The following NRXN1 variants were observed in gnomAD, a reference collection of about 807,000 sequenced individuals.
NRXN1 encodes neurexin-1.
In NRXN1, 39 loss-of-function variants were observed where a neutral mutation model predicts 150.9. The ratio of observed to expected loss-of-function variants is 0.26; its 90% CI spans 0.20 to 0.34. The LOEUF is 0.34. Ranked by LOEUF, NRXN1 falls within the 10% of genes least tolerant of loss-of-function variation. The pLI is 1.00. For synonymous variants in NRXN1, 924 were observed against 757.0 expected (o/e 1.22, Z -3.62); for missense variants, 1,815 against 1,949.9 (o/e 0.93, Z 1.30).
At chr2:50,195,194 C>T (rs2061679876) in intron 18 of NRXN1, among the ~76,000 whole-genome samples, 1 of 152,132 alleles carries the variant, frequency 6.6e-6, no homozygotes, top group South Asian at 2.1e-4. Flanking sequence ...TATAAATATG[C>T]AGAGAATGCA....
At chr2:50,872,138 T>A (rs1229807180) in intron 5 of NRXN1, among the ~76,000 whole-genome samples, 1 of 151,860 alleles carries the variant, frequency 6.6e-6, no homozygotes, top group Non-Finnish European at 1.5e-5. Flanking sequence ...GCATGTGACA[T>A]AAGTTAGTTA....
intron 9 of NRXN1, among the ~76,000 whole-genome samples, chr2:50,550,520 G>A (rs1206359609): frequency 1.3e-5 from 2 of 151,156 alleles, no homozygotes; most frequent in South Asian, 2.1e-4. Context: ...CCATGCCCAC[G>A]CCACTTCAAA....
chr2:49,979,906 G>GTTTT (rs958895922), intron 21 of NRXN1, among the ~76,000 whole-genome samples: 2,099 of 65,832 alleles, frequency 0.032, 74 homozygotes, highest in African/African-American at 0.09. Context: ...TGTTTTTTTG[G>GTTTT]TTTTTTTTTT....
At chr2:50,530,888 C>T (rs910906742) in intron 11 of NRXN1, among the ~76,000 whole-genome samples, 3 of 152,044 alleles carry the variant, frequency 2.0e-5, no homozygotes, top group Admixed American at 6.6e-5. Flanking sequence ...CACCTACAAC[C>T]GATCCAAATG....
At chr2:50,826,994 C>G (rs67841411) in intron 5 of NRXN1, among the ~76,000 whole-genome samples, 13,363 of 152,116 alleles carry the variant, frequency 0.088, 701 homozygotes, top group Admixed American at 0.092. Flanking sequence ...CCAAGAAGAG[C>G]AGTAGGTATG....
chr2:50,296,412 T>C (rs1371012794), intron 17 of NRXN1, among the ~76,000 whole-genome samples: 2 of 152,166 alleles, frequency 1.3e-5, no homozygotes, highest in Non-Finnish European at 2.9e-5. Context: ...ATTTGTTAAA[T>C]GGATATATTG....
intron 18 of NRXN1, among the ~76,000 whole-genome samples, chr2:50,158,358 C>A (rs1268222841): frequency 6.6e-6 from 1 of 151,368 alleles, no homozygotes; most frequent in African/African-American, 2.4e-5. Flanking sequence ...TTAGTTAAGA[C>A]AATCATCACT....
At chr2:50,047,814 C>T (rs1461318701) in intron 21 of NRXN1, among the ~76,000 whole-genome samples, 2 of 151,898 alleles carry the variant, frequency 1.3e-5, no homozygotes, top group African/African-American at 4.8e-5. Flanking sequence ...GCAGAAAAGT[C>T]TAATTTTGAT....
At chr2:50,182,577 A>G (rs778812995) in intron 18 of NRXN1, among the ~76,000 whole-genome samples, 27 of 152,050 alleles carry the variant, frequency 1.8e-4, no homozygotes, top group Non-Finnish European at 3.5e-4. Context: ...TGACCTCCTA[A>G]TGCTACACGT....
At chr2:49,971,308 GAC>G (rs1486327048) in intron 21 of NRXN1, among the ~76,000 whole-genome samples, 1 of 152,146 alleles carries the variant, frequency 6.6e-6, no homozygotes, top group East Asian at 1.9e-4. Flanking sequence ...ATATGGAAGT[GAC>G]ACAGACAGTA....
At chr2:50,917,928 G>C (rs185227409) in intron 5 of NRXN1, 3 of 151,632 alleles carry the variant, frequency 2.0e-5, no homozygotes, top group Non-Finnish European at 4.4e-5. Flanking sequence ...TATTATAAGA[G>C]TAAGTTTAAT....
At chr2:50,221,072 T>C (rs2063847004) in intron 18 of NRXN1, among the ~76,000 whole-genome samples, 1 of 152,030 alleles carries the variant, frequency 6.6e-6, no homozygotes, top group Non-Finnish European at 1.5e-5. Context: ...GATACACCTA[T>C]TTGTATTGTT....
chr2:50,066,719 CT>C (rs1376888262), intron 19 of NRXN1, among the ~76,000 whole-genome samples: 1 of 152,032 alleles, frequency 6.6e-6, no homozygotes, highest in Non-Finnish European at 1.5e-5. Context: ...AGAAAAAACT[CT>C]CATAAAACTA....
intron 5 of NRXN1, among the ~76,000 whole-genome samples, chr2:50,887,595 A>G (rs1267219159): frequency 4.0e-5 from 6 of 151,240 alleles, no homozygotes; most frequent in Non-Finnish European, 8.9e-5. Flanking sequence ...TCTTTCGTTT[A>G]CTCTTTTAAT....
intron 18 of NRXN1, among the ~76,000 whole-genome samples, chr2:50,110,213 G>A (rs911017251): frequency 1.3e-5 from 2 of 152,020 alleles, no homozygotes; most frequent in African/African-American, 2.4e-5. Flanking sequence ...AATGTTGGCC[G>A]GGCGCGGTGG....
intron 13 of NRXN1, among the ~76,000 whole-genome samples, chr2:50,505,035 T>G (rs779094567): frequency 1.3e-5 from 2 of 152,150 alleles, no homozygotes; most frequent in Non-Finnish European, 2.9e-5. Flanking sequence ...AAGTCAACCA[T>G]TCAGTAGTTC....
In NRXN1 at chr2:50,352,621, G is replaced by A. The variant is rs78320013; in HGVS notation, c.3364+112821C>T. 8.2e-3 allele frequency among the ~76,000 whole-genome samples: 1,245 copies of A among 151,832 alleles called. 39 individuals carry two copies. The East Asian group carries it at 0.11, about 14-fold the overall frequency. ...CTACTTTTCTGAGTTTGAACTGAGC[G>A]TCAGTAAAAAGGGACAGACTCAGAA... On this transcript the variant is annotated intron_variant, in intron 17 of 22. Coordinates refer to ENST00000401669, the MANE Select transcript of NRXN1 (RefSeq NM_001330078.2).
intron 18 of NRXN1, among the ~76,000 whole-genome samples, chr2:50,219,957 TATATATTA>T (rs1559115598): frequency 1.1e-4 from 6 of 53,860 alleles, no homozygotes; most frequent in African/African-American, 7.7e-4. Context: ...ATATATAATA[TATATATTA>T]TATATATATA....
rs530572292 is a variant in NRXN1, at chr2:50,927,987, G to A, written c.773-2032C>T. On this transcript the variant is annotated intron_variant, in intron 2 of 22. Coordinates refer to ENST00000401669, the MANE Select transcript of NRXN1 (RefSeq NM_001330078.2). The stretch of plus-strand genomic sequence containing the variant: ...ATTATAAAAGGAGTTCAAGGTCACT[G>A]ATTCAGTCCTGACGGCAAGTTCTCC... Among the ~76,000 whole-genome samples, 6 of 152,090 alleles carry A rather than the reference G, an allele frequency of 3.9e-5. No individual in the cohort carries two copies. In the East Asian group the frequency reaches 1.2e-3, roughly 30 times the overall value.
Sources: allele counts gnomAD v4.1 joint callset (sites outside exome capture counted in the v4.1 genomes callset), GRCh38; gene constraint gnomAD v4.1.1; transcripts MANE v1.5; gene names NCBI Gene and HGNC (gene_info 2026-07-23, HGNC 2026-07-21).